Variants in LOC128462377 observed in about 807,000 individuals in gnomAD.
At chr16:89,417,006 C>T in the LOC128462377 span, among the ~76,000 whole-genome samples, 1 of 152,062 alleles carries the variant, frequency 6.6e-6, no homozygotes, top group South Asian at 2.1e-4. Context: ...CACAAACATG[C>T]CCACTACCCA....
the LOC128462377 span, among the ~76,000 whole-genome samples, chr16:89,411,860 C>A: frequency 5.8e-4 from 88 of 152,314 alleles, 1 homozygote; most frequent in Admixed American, 5.7e-3. Flanking sequence ...TGGCCAGTAA[C>A]GAAGATGCCT....
the LOC128462377 span, among the ~76,000 whole-genome samples, chr16:89,363,653 C>G: frequency 6.6e-6 from 1 of 152,166 alleles, no homozygotes; most frequent in South Asian, 2.1e-4. Context: ...CACTTTATGT[C>G]CACCAAGCAC....
chr16:89,372,606 T>C, the LOC128462377 span, among the ~76,000 whole-genome samples: 1 of 152,242 alleles, frequency 6.6e-6, no homozygotes, highest in East Asian at 1.9e-4. Flanking sequence ...TACTAAAAAT[T>C]AAAATACTGA....
chr16:89,323,325 C>T, the LOC128462377 span: 1 of 1,288,944 alleles, frequency 7.8e-7, no homozygotes, highest in Non-Finnish European at 1.0e-6. Flanking sequence ...AGCACTGTGG[C>T]AATCCCAGGT....
the LOC128462377 span, among the ~76,000 whole-genome samples, chr16:89,415,829 C>CAAAAAAAAAAAAAA: frequency 8.5e-3 from 336 of 39,638 alleles, 14 homozygotes; most frequent in East Asian, 0.015. Flanking sequence ...GACTCTGTCT[C>CAAAAAAAAAAAAAA]AAAAAAAAAA....
At chr16:89,326,777 CG>C in the LOC128462377 span, among the ~76,000 whole-genome samples, 1 of 152,114 alleles carries the variant, frequency 6.6e-6, no homozygotes, top group Non-Finnish European at 1.5e-5. Context: ...AAAACACAAC[CG>C]GGGCATGAAA....
the LOC128462377 span, among the ~76,000 whole-genome samples, chr16:89,393,508 T>TTTC: frequency 8.9e-6 from 1 of 112,958 alleles, no homozygotes; most frequent in African/African-American, 3.4e-5. Flanking sequence ...TTTTTTTTTT[T>TTTC]GTATTTTTAA....
chr16:89,363,495 A>G, the LOC128462377 span, among the ~76,000 whole-genome samples: 2 of 150,518 alleles, frequency 1.3e-5, no homozygotes, highest in Non-Finnish European at 3.0e-5. Flanking sequence ...AAAAAAAAAG[A>G]TTCAGTCTTG....
the LOC128462377 span, among the ~76,000 whole-genome samples, chr16:89,332,708 G>C: frequency 6.6e-5 from 10 of 152,140 alleles, no homozygotes; most frequent in Admixed American, 6.5e-4. Flanking sequence ...CCTCCGGCAG[G>C]GCCTGGTCTG....
the LOC128462377 span, among the ~76,000 whole-genome samples, chr16:89,351,659 G>C: frequency 6.6e-6 from 1 of 152,186 alleles, no homozygotes; most frequent in Non-Finnish European, 1.5e-5. Context: ...CCTGGGCGCA[G>C]GTTCGTGTCA....
At chr16:89,349,604 C>CA in the LOC128462377 span, among the ~76,000 whole-genome samples, 1 of 151,940 alleles carries the variant, frequency 6.6e-6, no homozygotes, top group African/African-American at 2.4e-5. Context: ...TATCCTCATG[C>CA]AAAAAACAAA....
chr16:89,385,036 C>T, the LOC128462377 span, among the ~76,000 whole-genome samples: 11 of 151,756 alleles, frequency 7.2e-5, no homozygotes, highest in East Asian at 1.9e-4. Flanking sequence ...CAGGCACACA[C>T]CACCATGCCA....
At chr16:89,407,262 C>T in the LOC128462377 span, among the ~76,000 whole-genome samples, 5 of 151,398 alleles carry the variant, frequency 3.3e-5, no homozygotes, top group East Asian at 9.7e-4. Flanking sequence ...CAGCAAAGGA[C>T]TGACAGAAAA....
chr16:89,322,352 G>T, the LOC128462377 span, among the ~76,000 whole-genome samples: 1 of 152,182 alleles, frequency 6.6e-6, no homozygotes, highest in Non-Finnish European at 1.5e-5. Context: ...CTTTACGTAC[G>T]TCCTGGGCAA....
chr16:89,349,830 G>T, the LOC128462377 span, among the ~76,000 whole-genome samples: 1 of 137,030 alleles, frequency 7.3e-6, no homozygotes, highest in Admixed American at 7.6e-5. Flanking sequence ...ACACTATTAA[G>T]AAATAAAAAT....
the LOC128462377 span, among the ~76,000 whole-genome samples, chr16:89,375,199 G>A: frequency 6.6e-6 from 1 of 152,116 alleles, no homozygotes; most frequent in East Asian, 1.9e-4. Flanking sequence ...GTGAGCTCAA[G>A]TGTGTCGGTA....
At chr16:89,384,879 C>CTTTTTTTTTTTTTTTTTTTTTTTTT in the LOC128462377 span, among the ~76,000 whole-genome samples, 33 of 49,940 alleles carry the variant, frequency 6.6e-4, 5 homozygotes, top group Non-Finnish European at 8.4e-4. Flanking sequence ...AAATAGTTTT[C>CTTTTTTTTTTTTTTTTTTTTTTTTT]TTTTTTTTTT....
At chr16:89,352,375 C>T in the LOC128462377 span, among the ~76,000 whole-genome samples, 1 of 151,410 alleles carries the variant, frequency 6.6e-6, no homozygotes. Context: ...CTCAAGGCAG[C>T]CCCCCAAGAA....
the LOC128462377 span, among the ~76,000 whole-genome samples, chr16:89,373,907 C>T: frequency 2.6e-5 from 4 of 152,194 alleles, no homozygotes; most frequent in African/African-American, 9.6e-5. Flanking sequence ...TCTTGGCAGG[C>T]GGTCCACACG....
Sources: gnomAD v4.1 joint callset for allele counts (sites outside exome capture counted in the v4.1 genomes callset) on GRCh38, gnomAD v4.1.1 for gene constraint, MANE v1.5 for transcripts.